The following GSE1 variants were observed in gnomAD, a reference collection of about 807,000 sequenced individuals.
GSE1 encodes genetic suppressor element 1.
In GSE1, 32 loss-of-function variants were observed where a neutral mutation model predicts 112.6. The ratio of observed to expected loss-of-function variants is 0.28; its 90% confidence interval spans 0.21 to 0.38. The LOEUF is 0.38. Among genes scored for constraint, GSE1 ranks in the 10% least tolerant of loss-of-function variants. The pLI is 1.00. For missense variants in GSE1, 2,348 were observed against 1,699.2 expected (o/e 1.38, Z -6.71); for synonymous variants, 1,115 against 735.6 (o/e 1.52, Z -8.35).
At chr16:85,284,200 G>A (rs969607877) in intron 1 of GSE1, among the ~76,000 whole-genome samples, 1 of 152,268 alleles carries the variant, frequency 6.6e-6, no homozygotes, top group African/African-American at 2.4e-5. Flanking sequence ...AATCTGCCCG[G>A]CGGGTCGTGC....
At chr16:85,627,668 C>T (rs2049188533) in intron 1 of GSE1, among the ~76,000 whole-genome samples, 1 of 151,332 alleles carries the variant, frequency 6.6e-6, no homozygotes, top group Non-Finnish European at 1.5e-5. Context: ...GGAGACAGCC[C>T]CCGGCCCCCC....
intron 1 of GSE1, among the ~76,000 whole-genome samples, chr16:85,230,697 T>C (rs1904276633): frequency 6.6e-6 from 1 of 152,200 alleles, no homozygotes; most frequent in Non-Finnish European, 1.5e-5. Flanking sequence ...ATGACTGGCC[T>C]ACCCCGGGGC....
At chr16:85,206,712 C>G (rs910904727) in intron 1 of GSE1, among the ~76,000 whole-genome samples, 1 of 151,762 alleles carries the variant, frequency 6.6e-6, no homozygotes, top group Non-Finnish European at 1.5e-5. Flanking sequence ...TCAGCAGGCC[C>G]CATTCATTCA....
chr16:85,403,693 G>A (rs182024851), intron 2 of GSE1, among the ~76,000 whole-genome samples: 1 of 152,126 alleles, frequency 6.6e-6, no homozygotes, highest in East Asian at 1.9e-4. Context: ...TCCCAGCTAT[G>A]TGGGAGGCTG....
intron 1 of GSE1, among the ~76,000 whole-genome samples, chr16:85,572,895 G>C: frequency 6.6e-6 from 1 of 152,300 alleles, no homozygotes; most frequent in South Asian, 2.1e-4. Context: ...GCAGAGGGCC[G>C]GCAGCCCTCT....
At chr16:85,453,872 A>C (rs911981567) in intron 2 of GSE1, among the ~76,000 whole-genome samples, 8 of 152,190 alleles carry the variant, frequency 5.3e-5, no homozygotes, top group African/African-American at 1.9e-4. Context: ...CAGCTGAGGC[A>C]TGCAGAGAGC....
intron 1 of GSE1, among the ~76,000 whole-genome samples, chr16:85,598,069 T>C (rs2047308176): frequency 6.6e-6 from 1 of 151,778 alleles, no homozygotes; most frequent in South Asian, 2.1e-4. Context: ...AACCTGACCC[T>C]GGACTGTTTC....
intron 2 of GSE1, among the ~76,000 whole-genome samples, chr16:85,364,743 G>T (rs369738499): frequency 6.6e-6 from 1 of 152,166 alleles, no homozygotes; most frequent in Non-Finnish European, 1.5e-5. Context: ...ACTTCCCGTT[G>T]GCCTGGACCA....
intron 1 of GSE1, among the ~76,000 whole-genome samples, chr16:85,598,536 G>T (rs978350463): frequency 6.6e-6 from 1 of 152,256 alleles, no homozygotes; most frequent in African/African-American, 2.4e-5. Context: ...GAAAGCACCA[G>T]CACTCCAAAT....
At position 85,663,574 on chromosome 16, in the gene GSE1, C is replaced by T. The variant is rs145992129; in HGVS notation, c.2604C>T (p.Thr868=). 33 of 1,613,810 alleles carry T rather than the reference C, an allele frequency of 2.0e-5. No individual in the cohort carries two copies. Among genetic ancestry groups the T allele is most frequent in the South Asian group, 1.5e-4 (14 of 91,074 alleles). ...PNFEEKKKFL[T]IFNLTHISAE... Reference sequence around the variant, plus strand: ...TCGAAGAAAAGAAGAAGTTCCTGACCATCTTCAACCTGACCCACATCAGCG... The same window carrying T: ...TCGAAGAAAAGAAGAAGTTCCTGACTATCTTCAACCTGACCCACATCAGCG... Residue 868 remains threonine (T), a synonymous_variant, in exon 11 of 16, where the codon ACC becomes ACT. Coordinates refer to ENST00000253458, the MANE Select transcript of GSE1 (RefSeq NM_014615.5).
chr16:85,245,752 C>T (rs944836687), intron 1 of GSE1, among the ~76,000 whole-genome samples: 2 of 152,132 alleles, frequency 1.3e-5, no homozygotes, highest in African/African-American at 4.8e-5. Context: ...GACGGCAAGA[C>T]TGTGGGCACC....
upstream of GSE1, among the ~76,000 whole-genome samples, chr16:85,553,151 C>T (rs1457635007): frequency 1.3e-5 from 2 of 151,732 alleles, no homozygotes; most frequent in African/African-American, 4.8e-5. Context: ...GCCCCGCCCC[C>T]CAGGGGCACA....
intron 2 of GSE1, among the ~76,000 whole-genome samples, chr16:85,400,519 G>C (rs531114600): frequency 6.6e-6 from 1 of 151,462 alleles, no homozygotes; most frequent in African/African-American, 2.4e-5. Flanking sequence ...CTGTGTGGTT[G>C]TGAGCCTGTG....
chr16:85,561,831 C>T (rs1245619712), intron 1 of GSE1, among the ~76,000 whole-genome samples: 1 of 152,228 alleles, frequency 6.6e-6, no homozygotes, highest in Non-Finnish European at 1.5e-5. Flanking sequence ...CTGTGGGGGC[C>T]GCTGGGTTCT....
intron 2 of GSE1, among the ~76,000 whole-genome samples, chr16:85,462,720 C>A (rs982321895): frequency 2.2e-5 from 1 of 45,406 alleles, no homozygotes; most frequent in African/African-American, 8.8e-5. Flanking sequence ...AGGCGGGAGG[C>A]GGGAGGCGGC....
At chr16:85,577,573 G>A (rs2046279346) in intron 1 of GSE1, among the ~76,000 whole-genome samples, 2 of 152,172 alleles carry the variant, frequency 1.3e-5, no homozygotes, top group African/African-American at 4.8e-5. Context: ...AGGCAGCGCT[G>A]CGATTATCCC....
chr16:85,661,252 G>A lies in GSE1; in HGVS notation c.1747G>A (p.Ala583Thr). 6.2e-7 allele frequency: 1 copy of A among 1,612,922 alleles called. No individual in the cohort carries two copies. The highest frequency in any genetic ancestry group is 8.5e-7 in the Non-Finnish European group (1 of 1,179,962). The change falls in exon 9 of 16, where the codon GCC (alanine) becomes ACC (threonine). Residue 583 changes from alanine (A) to threonine (T), a missense_variant. Transcript: ENST00000253458. ...GCCCCAGCTCCATGCTGCACCCACG[G>A]CCCTCTGGAACCCCGTGTCCCTGAT... ...PKPQLHAAPT[A>T]LWNPVSLMDN...
intron 2 of GSE1, among the ~76,000 whole-genome samples, chr16:85,493,395 A>G (rs141539251): frequency 1.6e-4 from 24 of 152,162 alleles, no homozygotes; most frequent in African/African-American, 4.8e-4. Context: ...GCAGTAAACT[A>G]TGATCACACT....
chr16:85,611,585 T>C, upstream of GSE1: 1 of 631,628 alleles, frequency 1.6e-6, no homozygotes, highest in Non-Finnish European at 2.0e-6. Flanking sequence ...CCCTTTTCGT[T>C]TGTGGTCTGC....
Sources: gnomAD v4.1 joint callset for allele counts (sites outside exome capture counted in the v4.1 genomes callset) on GRCh38, gnomAD v4.1.1 for gene constraint, MANE v1.5 for transcripts, NCBI Gene and HGNC (gene_info 2026-07-23, HGNC 2026-07-21) for gene names.